CELF1: variants seen among roughly 807,000 people sequenced by gnomAD.
CELF1 encodes CUGBP Elav-like family member 1, also known as 50 kDa nuclear polyadenylated RNA-binding protein.
CELF1 carries 10 observed loss-of-function variants against 61.8 expected under a neutral mutation model. The ratio of observed to expected loss-of-function variants is 0.16; its 90% CI spans 0.10 to 0.27. The LOEUF is 0.27. Ranked by LOEUF, CELF1 falls within the 10% of genes least tolerant of loss-of-function variation. CELF1 has a pLI of 1.00. For missense variants in CELF1, 380 were observed against 639.1 expected, an observed-to-expected ratio of 0.59 and a Z score of 4.37; for synonymous variants, 236 against 225.1, an observed-to-expected ratio of 1.05 and a Z score of -0.43.
intron 1 of CELF1, among the ~76,000 whole-genome samples, chr11:47,534,308 G>T (rs112815512): frequency 2.6e-5 from 4 of 151,486 alleles, no homozygotes; most frequent in African/African-American, 9.7e-5. Context: ...GGGATTACAG[G>T]CATGAGCCAC....
intron 1 of CELF1, among the ~76,000 whole-genome samples, chr11:47,540,419 G>A (rs1335208788): frequency 6.6e-6 from 1 of 152,154 alleles, no homozygotes; most frequent in Non-Finnish European, 1.5e-5. Flanking sequence ...TATCCTTGTT[G>A]AAAGCCTGCT....
intron 2 of CELF1, among the ~76,000 whole-genome samples, chr11:47,500,196 C>CT (rs796802801): frequency 1.8e-3 from 259 of 146,168 alleles, no homozygotes; most frequent in Non-Finnish European, 2.6e-3. Flanking sequence ...ATCAGCCTTG[C>CT]TTTTTTTTTT....
At chr11:47,511,354 C>CTACTCTTGGGAAATATGAGGTAAT in intron 1 of CELF1, among the ~76,000 whole-genome samples, 1 of 151,560 alleles carries the variant, frequency 6.6e-6, no homozygotes, top group South Asian at 2.1e-4. Flanking sequence ...CTCAGGATAA[C>CTACTCTTGGGAAATATGAGGTAAT]CTCTTGGGAA....
intron 1 of CELF1, among the ~76,000 whole-genome samples, chr11:47,525,936 CAAACA>C (rs1054017020): frequency 5.3e-5 from 1 of 18,746 alleles, no homozygotes; most frequent in Non-Finnish European, 2.8e-4. Flanking sequence ...AACAAAAAAA[CAAACA>C]AAAAAAAAAA....
At chr11:47,552,764 G>A (rs958053760) in intron 1 of CELF1, among the ~76,000 whole-genome samples, 9 of 152,158 alleles carry the variant, frequency 5.9e-5, no homozygotes, top group Non-Finnish European at 8.8e-5. Flanking sequence ...CCCTGGGCGC[G>A]GGGGCACGCG....
At chr11:47,500,315 G>C (rs959469129) in intron 2 of CELF1, among the ~76,000 whole-genome samples, 1 of 152,100 alleles carries the variant, frequency 6.6e-6, no homozygotes, top group Non-Finnish European at 1.5e-5. Flanking sequence ...TCATCTGGGT[G>C]AAAGACTTCA....
At chr11:47,485,059 G>A (rs1011190393) in intron 6 of CELF1, among the ~76,000 whole-genome samples, 1 of 152,192 alleles carries the variant, frequency 6.6e-6, no homozygotes, top group African/African-American at 2.4e-5. Flanking sequence ...TTGTAATCTT[G>A]TGAAAGTTAC....
chr11:47,484,055 C>T (rs756609707), intron 7 of CELF1, among the ~76,000 whole-genome samples: 9 of 152,216 alleles, frequency 5.9e-5, no homozygotes, highest in East Asian at 1.9e-4. Flanking sequence ...ATTCCAAGCC[C>T]GGTGCAGTGG....
intron 1 of CELF1, among the ~76,000 whole-genome samples, chr11:47,526,383 G>A (rs1271534573): frequency 6.6e-6 from 1 of 152,208 alleles, no homozygotes. Context: ...ATTTGAACAA[G>A]ATGATTTCTA....
intron 7 of CELF1, 124 bp from the exon 8 acceptor site, chr11:47,483,656 CAT>C (rs1442282741): frequency 1.4e-5 from 10 of 703,122 alleles, no homozygotes; most frequent in African/African-American, 1.4e-4. Context: ...TTCAGGGAAT[CAT>C]GTGCTGGTAT....
upstream of CELF1, among the ~76,000 whole-genome samples, chr11:47,556,654 T>G (rs185307696): frequency 1.3e-5 from 2 of 152,318 alleles, no homozygotes; most frequent in Admixed American, 1.3e-4. Flanking sequence ...GAGGACTGTT[T>G]GAGGCCAGGA....
Position 47,562,324 on chromosome 11 carries a change from G to A in CELF1, c.-11+2027C>T, listed in dbSNP as rs532974295. 3.3e-5 allele frequency among the ~76,000 whole-genome samples: 5 copies of A among 151,498 alleles called. No individual in the cohort carries two copies. The East Asian group carries it at 5.8e-4, about 18-fold the overall frequency. On this transcript the variant is annotated intron_variant, in intron 2 of 3. Transcript: ENST00000525841. ...GCAGATCGCTTGAGTCCAGGAGTTC[G>A]AGACCAACCTGGGCAATATGGTGAA... is the stretch of plus-strand genomic sequence containing the variant.
intron 1 of CELF1, chr11:47,524,604 T>C (rs1036390446): frequency 6.6e-6 from 1 of 152,228 alleles, no homozygotes; most frequent in Non-Finnish European, 1.5e-5. Flanking sequence ...ACAAACTGTG[T>C]GCCCTGGCTG....
intron 1 of CELF1, among the ~76,000 whole-genome samples, chr11:47,532,799 T>TC: frequency 6.6e-6 from 1 of 152,178 alleles, no homozygotes; most frequent in Non-Finnish European, 1.5e-5. Context: ...CCCACCACCT[T>TC]CCCACTGCTG....
At chr11:47,521,582 C>T (rs1417533543) in intron 1 of CELF1, among the ~76,000 whole-genome samples, 2 of 152,190 alleles carry the variant, frequency 1.3e-5, no homozygotes, top group Non-Finnish European at 2.9e-5. Flanking sequence ...GTTACACAAA[C>T]AGTATCTACC....
chr11:47,524,294 A>G (rs895827343), intron 1 of CELF1, among the ~76,000 whole-genome samples: 4 of 152,130 alleles, frequency 2.6e-5, no homozygotes, highest in Non-Finnish European at 5.9e-5. Context: ...ACCTGTAACA[A>G]AACAAAGAGG....
rs1254254131 is a variant in CELF1 at position 47,469,271 on chromosome 11, T to C, written c.*2959A>G. 1.3e-5 allele frequency: 2 copies of C among 152,216 alleles called. No individual in the cohort carries two copies. The highest frequency in any genetic ancestry group is 2.9e-5 in the Non-Finnish European group (2 of 68,074). The allele number at this position is 152,216 out of a possible 1,614,324, so 9.4% of individuals were successfully genotyped here. The stretch of plus-strand genomic sequence containing the variant: ...TGCTGGCTGGGGTGGGGAAAATTTT[T>C]CAGGGAAGAGGACCAGAATTTCTGC... On this transcript the variant is annotated 3_prime_UTR_variant, in exon 15 of 15. Coordinates refer to ENST00000687097, the MANE Select transcript of CELF1 (RefSeq NM_001376376.1).
intron 5 of CELF1, 146 bp downstream of exon 5, chr11:47,487,013 C>G: frequency 1.3e-6 from 1 of 746,470 alleles, no homozygotes; most frequent in Non-Finnish European, 2.3e-6. Flanking sequence ...AATCTCTGAA[C>G]TGCTCCCTTT....
At chr11:47,493,602 A>AT (rs1459531882) in intron 3 of CELF1, among the ~76,000 whole-genome samples, 2 of 151,970 alleles carry the variant, frequency 1.3e-5, no homozygotes, top group Non-Finnish European at 2.9e-5. Context: ...CTCTTTGGAA[A>AT]TTTTTACAGA....
Sources: gnomAD v4.1 joint callset for allele counts (sites outside exome capture counted in the v4.1 genomes callset) on GRCh38, gnomAD v4.1.1 for gene constraint, MANE v1.5 for transcripts, NCBI Gene and HGNC (gene_info 2026-07-23, HGNC 2026-07-21) for gene names.